FOSL2: variants seen among roughly 807,000 people sequenced by gnomAD.
The protein encoded by FOSL2 is fos-related antigen 2.
A neutral mutation model predicts 27.7 loss-of-function variants in FOSL2; 3 were observed. The observed-to-expected ratio is 0.11, with a 90% confidence interval of 0.05 to 0.28. FOSL2 has a LOEUF of 0.28. Ranked by LOEUF, FOSL2 falls within the 10% of genes least tolerant of loss-of-function variation. FOSL2 has a pLI of 1.00. For synonymous variants in FOSL2, 179 were observed against 190.1 expected (o/e 0.94, Z 0.48); for missense variants, 333 against 445.1 (o/e 0.75, Z 2.27).
At chr2:28,395,124 T>C (rs1470323622) in intron 1 of FOSL2, among the ~76,000 whole-genome samples, 1 of 152,214 alleles carries the variant, frequency 6.6e-6, no homozygotes, top group Non-Finnish European at 1.5e-5. Context: ...AGTCTGTTCA[T>C]TGAGGGTGCA....
At chr2:28,396,216 C>T (rs899262439) in intron 1 of FOSL2, among the ~76,000 whole-genome samples, 1 of 151,770 alleles carries the variant, frequency 6.6e-6, no homozygotes, top group African/African-American at 2.4e-5. Flanking sequence ...TTCTTCAACC[C>T]AGAGCTTTCC....
Position 28,404,483 on chromosome 2 carries a change from G to T in FOSL2, c.354+125G>T, listed in dbSNP as rs1664038376. The T allele has an allele frequency of 8.1e-7, 1 of 1,231,056 alleles. No individual in the cohort carries two copies. Among genetic ancestry groups the T allele is most frequent in the Non-Finnish European group, 1.1e-6 (1 of 889,896 alleles). 76.3% of individuals were successfully genotyped at this position (1,231,056 alleles called of 1,614,324 possible). A position where few individuals can be genotyped will look rare whatever the true frequency, so the allele number is the denominator to read the frequency against. ...AGCAGGGGAGACAAGGGAGCTAGGGGTCGAAGAGCACGTCATCCCCCTTAC... is the reference window on the plus strand; with the variant it reads ...AGCAGGGGAGACAAGGGAGCTAGGGTTCGAAGAGCACGTCATCCCCCTTAC... On this transcript the variant is annotated intron_variant, in intron 2 of 3. Coordinates refer to ENST00000264716, the MANE Select transcript of FOSL2 (RefSeq NM_005253.4). This position sits in a 1 kb window ranked among gnomAD's most constrained non-coding sequence, Gnocchi z 4.7.
chr2:28,413,924 C>T lies in FOSL2; in HGVS notation c.*1476C>T, dbSNP rs184499178. On this transcript the variant is annotated 3_prime_UTR_variant, in exon 4 of 4. Transcript: ENST00000264716. ...ACTGCAGGAGAGCTGCCCCCTTTCA[C>T]GGGGTTGGGGAAGGGTCCCCCTGGC... The T allele has an allele frequency of 2.8e-5, 11 of 398,068 alleles. No homozygotes were observed. In the South Asian group the frequency reaches 4.1e-4, roughly 15 times the overall value. 24.7% of individuals were successfully genotyped at this position (398,068 alleles called of 1,614,324 possible). A position where few individuals can be genotyped will look rare whatever the true frequency, so the allele number is the denominator to read the frequency against.
chr2:28,413,101 C>T lies in FOSL2; in HGVS notation c.*653C>T, dbSNP rs1449234330. The T allele has an allele frequency of 5.8e-6, 1 of 173,402 alleles. No individual in the cohort carries two copies. The highest frequency in any genetic ancestry group is 1.5e-4 in the East Asian group (1 of 6,468). 10.7% of individuals were successfully genotyped at this position (173,402 alleles called of 1,614,324 possible). A position where few individuals can be genotyped will look rare whatever the true frequency, so the allele number is the denominator to read the frequency against. Reference sequence around the variant, plus strand: ...AGAACTCCCAGCGGGGCTCCCTGAGCTCTCAAGGAGATGCTGCCATCACTG... The same window carrying T: ...AGAACTCCCAGCGGGGCTCCCTGAGTTCTCAAGGAGATGCTGCCATCACTG... On this transcript the variant is annotated 3_prime_UTR_variant, in exon 4 of 4. Transcript: ENST00000264716.
At position 28,415,513 on chromosome 2, in the gene FOSL2, G is replaced by A. The variant is rs1160129164; in HGVS notation, c.*3065G>A. 1 of 152,244 alleles carries A rather than the reference G, an allele frequency of 6.6e-6. No homozygotes were observed. Among genetic ancestry groups the A allele is most frequent in the Non-Finnish European group, 1.5e-5 (1 of 68,064 alleles). 9.4% of individuals were successfully genotyped at this position (152,244 alleles called of 1,614,324 possible). A position where few individuals can be genotyped will look rare whatever the true frequency, so the allele number is the denominator to read the frequency against. Reference sequence around the variant, plus strand: ...TCTGTTTCTCAGGCTCTGGGGAAAGGAATCTCCCTCTCCTCTCACTTGATT... The same window carrying A: ...TCTGTTTCTCAGGCTCTGGGGAAAGAAATCTCCCTCTCCTCTCACTTGATT... On this transcript the variant is annotated 3_prime_UTR_variant, in exon 4 of 4. Transcript: ENST00000264716.
At chr2:28,397,911 T>G (rs1663887603) in intron 1 of FOSL2, among the ~76,000 whole-genome samples, 2 of 152,240 alleles carry the variant, frequency 1.3e-5, no homozygotes, top group Admixed American at 6.5e-5. Context: ...CAAAAGCCTC[T>G]TTGGAGCCGA....
rs2148101506 is a variant in FOSL2 at position 28,412,735 on chromosome 2, C to T, written c.*287C>T. Reference sequence around the variant, plus strand: ...TTGGTAGACTTGGACATCTCTCTGGCTTCTGAAGAGCCTGAAGCTGGCCTG... The same window carrying T: ...TTGGTAGACTTGGACATCTCTCTGGTTTCTGAAGAGCCTGAAGCTGGCCTG... On this transcript the variant is annotated 3_prime_UTR_variant, in exon 4 of 4. Coordinates refer to ENST00000264716, the MANE Select transcript of FOSL2 (RefSeq NM_005253.4). The surrounding 1 kb of genome is among the most constrained non-coding windows in gnomAD (Gnocchi z 7.1). 1 of 437,410 alleles carries T rather than the reference C, an allele frequency of 2.3e-6. No homozygotes were observed. Among genetic ancestry groups the T allele is most frequent in the African/African-American group, 1.9e-5 (1 of 51,574 alleles). 27.1% of individuals were successfully genotyped at this position (437,410 alleles called of 1,614,324 possible). A position where few individuals can be genotyped will look rare whatever the true frequency, so the allele number is the denominator to read the frequency against.
rs746558059 is a variant in FOSL2, at chr2:28,412,297, C to T, written c.830C>T (p.Thr277Ile). ...VTSTPAVTPG[T>I]SNLVFTYPSV... is the part of the protein sequence containing the mutation. ...TCCACACCTGCTGTCACTCCGGGCA[C>T]CTCGAACCTCGTCTTCACCTATCCT... The change falls in exon 4 of 4, where the codon ACC becomes ATC. Residue 277 changes from threonine to isoleucine, a missense_variant. Physicochemically the swap from Thr to Ile is moderately conservative, Grantham distance 89 (BLOSUM62 -1). Coordinates refer to ENST00000264716, the MANE Select transcript of FOSL2 (RefSeq NM_005253.4). The surrounding 1 kb of genome is among the most constrained non-coding windows in gnomAD (Gnocchi z 7.1). The T allele has an allele frequency of 6.2e-7, 1 of 1,614,108 alleles. No individual in the cohort carries two copies. Among genetic ancestry groups the T allele is most frequent in the East Asian group, 2.2e-5 (1 of 44,870 alleles).
chr2:28,411,031 T>G (rs1664182257), intron 3 of FOSL2, among the ~76,000 whole-genome samples: 1 of 151,494 alleles, frequency 6.6e-6, no homozygotes, highest in Non-Finnish European at 1.5e-5. Context: ...GCCTGTAGTC[T>G]CAGCTACTCG....
rs1235996105 is a variant in FOSL2, at chr2:28,393,808, G to A, written c.88G>A (p.Gly30Ser). Residue 30 changes from glycine (G) to serine (S), a missense_variant, in exon 1 of 4, where the codon GGC becomes AGC. By Grantham distance (56) the Gly-to-Ser change is moderately conservative. Coordinates refer to ENST00000264716, the MANE Select transcript of FOSL2 (RefSeq NM_005253.4). The surrounding 1 kb of genome is among the most constrained non-coding windows in gnomAD (Gnocchi z 4.6). ...PAHAESYSSG[G>S]GGQQKFRVDM... ...GCACGCCGAGTCCTACTCCAGCGGC[G>A]GCGGCGGCCAGCAGGTAGGTGCGGG... is the stretch of plus-strand genomic sequence containing the variant. The A allele has an allele frequency of 3.1e-6, 5 of 1,598,484 alleles. No homozygotes were observed. The Admixed American group carries it at 8.5e-5, about 27-fold the overall frequency.
intron 1 of FOSL2, among the ~76,000 whole-genome samples, chr2:28,402,674 C>T (rs1448187524): frequency 6.6e-6 from 1 of 152,130 alleles, no homozygotes; most frequent in Non-Finnish European, 1.5e-5. Flanking sequence ...TAGGGGATGA[C>T]CTGACACTCT....
intron 2 of FOSL2, among the ~76,000 whole-genome samples, chr2:28,407,976 C>T (rs952857642): frequency 4.6e-5 from 7 of 152,226 alleles, no homozygotes; most frequent in African/African-American, 1.7e-4. Flanking sequence ...AGATAAATCC[C>T]AAGCCCGTAG....
At chr2:28,401,639 G>C (rs1394062405) in intron 1 of FOSL2, among the ~76,000 whole-genome samples, 3 of 152,178 alleles carry the variant, frequency 2.0e-5, no homozygotes, top group African/African-American at 4.8e-5. Flanking sequence ...AGCCATGCCT[G>C]CTGTTCTCAC....
rs1664317788 is a variant in FOSL2 at position 28,416,636 on chromosome 2, C to G, written c.*4188C>G. 6.6e-6 allele frequency: 1 copy of G among 152,086 alleles called. No individual in the cohort carries two copies. Among genetic ancestry groups the G allele is most frequent in the South Asian group, 2.1e-4 (1 of 4,824 alleles). 9.4% of individuals were successfully genotyped at this position (152,086 alleles called of 1,614,324 possible). On this transcript the variant is annotated 3_prime_UTR_variant, in exon 4 of 4. Transcript: ENST00000264716. Reference sequence around the variant, plus strand: ...TTGTAAGAGAACACAGTGGAAGATCCTGTCCTGATTCTCAAAAATTATTTT... The same window carrying G: ...TTGTAAGAGAACACAGTGGAAGATCGTGTCCTGATTCTCAAAAATTATTTT...
intron 1 of FOSL2, among the ~76,000 whole-genome samples, chr2:28,400,033 A>G (rs139464951): frequency 5.1e-4 from 78 of 152,256 alleles, no homozygotes; most frequent in African/African-American, 1.7e-3. Flanking sequence ...CCCACCCCGC[A>G]GTTGACAGGG....
intron 1 of FOSL2, among the ~76,000 whole-genome samples, chr2:28,401,567 C>G (rs930122014): frequency 6.6e-6 from 1 of 152,196 alleles, no homozygotes. Context: ...CTCCCCGCCC[C>G]TCCCATCCAG....
chr2:28,404,908 A>G lies in FOSL2; in HGVS notation c.354+550A>G, dbSNP rs1664046250. The stretch of plus-strand genomic sequence containing the variant: ...AGCCTATTTCAAGGGCCTGGAATGC[A>G]TGTTCCAGAGGTGCAGTAACTCTGG... On this transcript the variant is annotated intron_variant, in intron 2 of 3. Coordinates refer to ENST00000264716, the MANE Select transcript of FOSL2 (RefSeq NM_005253.4). The surrounding 1 kb of genome is among the most constrained non-coding windows in gnomAD (Gnocchi z 4.7). Among the ~76,000 whole-genome samples the G allele has an allele frequency of 6.6e-6, 1 of 152,178 alleles. No homozygotes were observed. Among genetic ancestry groups the G allele is most frequent in the Admixed American group, 6.5e-5 (1 of 15,284 alleles).
intron 2 of FOSL2, among the ~76,000 whole-genome samples, chr2:28,407,815 C>T (rs1391235332): frequency 2.0e-5 from 3 of 152,228 alleles, no homozygotes; most frequent in Non-Finnish European, 2.9e-5. Context: ...GGGGTCACAG[C>T]TCTGCAGGGC....
intron 1 of FOSL2, among the ~76,000 whole-genome samples, chr2:28,395,929 T>G (rs958509971): frequency 2.6e-5 from 4 of 152,176 alleles, no homozygotes; most frequent in African/African-American, 9.7e-5. Context: ...CTCAGAGGCT[T>G]TTGTTCCTTC....
Sources: gnomAD v4.1 joint callset for allele counts (sites outside exome capture counted in the v4.1 genomes callset) on GRCh38, gnomAD v4.1.1 for gene constraint, Gnocchi (gnomAD v3.1) non-coding constraint, MANE v1.5 for transcripts, NCBI Gene and HGNC (gene_info 2026-07-23, HGNC 2026-07-21) for gene names.